PCDHGA2: variants seen among roughly 807,000 people sequenced by gnomAD.
PCDHGA2 encodes the protein protocadherin gamma-A2.
PCDHGA2 carries 40 observed loss-of-function variants against 59.2 expected under a neutral mutation model. The ratio of observed to expected loss-of-function variants is 0.68; its 90% CI spans 0.52 to 0.88. PCDHGA2 has a LOEUF of 0.88. Among genes scored for constraint, PCDHGA2 ranks in the 40% least tolerant of loss-of-function variants. The probability of loss-of-function intolerance (pLI) is 0.00; values close to 1 mark genes in which losing one functional copy is unlikely to be tolerated. For synonymous variants in PCDHGA2, 560 were observed against 526.0 expected, an observed-to-expected ratio of 1.06 and a Z score of -0.89; for missense variants, 1,226 against 1,204.0, an observed-to-expected ratio of 1.02 and a Z score of -0.27.
intron 1 of PCDHGA2, chr5:141,383,589 G>A (rs1199547727): frequency 1.2e-6 from 2 of 1,613,716 alleles, no homozygotes; most frequent in Admixed American, 3.3e-5. Context: ...ACATCCAGGT[G>A]ACAGTGGTGG....
rs369691483 is a variant in PCDHGA2 at position 141,383,272 on chromosome 5, G to A, written c.2424+41877G>A. 65 of 1,613,802 alleles carry A rather than the reference G, an allele frequency of 4.0e-5. No homozygotes were observed. Among genetic ancestry groups the A allele is most frequent in the Non-Finnish European group, 5.3e-5 (62 of 1,179,884 alleles). On this transcript the variant is annotated intron_variant, in intron 1 of 3. Transcript: ENST00000394576. The stretch of plus-strand genomic sequence containing the variant: ...TTACCCTATAGACGTGGAAATAATA[G>A]ATATTAATGACAACGTTCCAAGATT...
chr5:141,385,498 T>C, intron 1 of PCDHGA2: 2 of 1,386,236 alleles, frequency 1.4e-6, no homozygotes, highest in Non-Finnish European at 1.9e-6. Context: ...TAGGATATAG[T>C]ATTTCTTTAG....
intron 1 of PCDHGA2, chr5:141,383,588 T>C: frequency 6.2e-7 from 1 of 1,613,646 alleles, no homozygotes; most frequent in Non-Finnish European, 8.5e-7. Context: ...CACATCCAGG[T>C]GACAGTGGTG....
intron 1 of PCDHGA2, chr5:141,351,167 T>A (rs745490255): frequency 1.2e-6 from 2 of 1,613,946 alleles, no homozygotes; most frequent in Non-Finnish European, 1.7e-6. Flanking sequence ...CAATGGCACA[T>A]TGGATTTTGA....
intron 3 of PCDHGA2, among the ~76,000 whole-genome samples, chr5:141,505,973 G>A (rs1207489923): frequency 6.6e-6 from 1 of 152,166 alleles, no homozygotes; most frequent in Non-Finnish European, 1.5e-5. Context: ...ATCCCCAGCC[G>A]AGAGAACACC....
rs773471969 is a variant in PCDHGA2, at chr5:141,422,101, A to G, written c.2425-72706A>G. 11 of 1,610,046 alleles carry G rather than the reference A, an allele frequency of 6.8e-6. No individual in the cohort carries two copies. The highest frequency in any genetic ancestry group is 4.5e-5 in the East Asian group (2 of 44,870). ...GAACATGGAAAGCAAGGCTTCTGAA[A>G]TATTCCAATTGGATTCACAAACTGG... On this transcript the variant is annotated intron_variant, in intron 1 of 3. Coordinates refer to ENST00000394576, the MANE Select transcript of PCDHGA2 (RefSeq NM_018915.4).
At chr5:141,433,082 T>C in intron 1 of PCDHGA2, 1 of 1,614,188 alleles carries the variant, frequency 6.2e-7, no homozygotes. Flanking sequence ...CCAGCCCAAC[T>C]ATGCAGACAT....
chr5:141,370,057 C>T (rs180898728), intron 1 of PCDHGA2, among the ~76,000 whole-genome samples: 2 of 152,150 alleles, frequency 1.3e-5, no homozygotes, highest in Non-Finnish European at 2.9e-5. Flanking sequence ...TTTAAAAGTC[C>T]TTTTAAAATG....
intron 1 of PCDHGA2, chr5:141,384,549 G>T (rs1561602881): frequency 6.2e-7 from 1 of 1,614,244 alleles, no homozygotes; most frequent in East Asian, 2.2e-5. Flanking sequence ...CACTGAGCCT[G>T]TTCGTGCTGG....
intron 2 of PCDHGA2, among the ~76,000 whole-genome samples, chr5:141,496,753 A>G (rs2099771084): frequency 6.6e-6 from 1 of 152,166 alleles, no homozygotes; most frequent in Admixed American, 6.5e-5. Flanking sequence ...TTCAACAAAT[A>G]TTTATCGAGC....
chr5:141,428,658 T>G (rs932328483), intron 1 of PCDHGA2: 1 of 165,620 alleles, frequency 6.0e-6, no homozygotes, highest in Non-Finnish European at 1.3e-5. Flanking sequence ...TGAGTTCCAA[T>G]GAATGTCTTT....
chr5:141,428,773 T>C (rs1036838681), intron 1 of PCDHGA2: 1 of 154,174 alleles, frequency 6.5e-6, no homozygotes, highest in Admixed American at 6.4e-5. Context: ...CCACTCTTAA[T>C]ATTTCCTGTT....
chr5:141,460,430 G>T (rs1163518139), intron 1 of PCDHGA2, among the ~76,000 whole-genome samples: 2 of 152,110 alleles, frequency 1.3e-5, no homozygotes, highest in African/African-American at 4.8e-5. Flanking sequence ...ATGGTGTATG[G>T]TGTGAGGTAA....
Position 141,476,489 on chromosome 5 carries a change from A to G in PCDHGA2, c.2425-18318A>G. ...GGAGCTGTTCAGCGTGGAAGTGGTGATCCAGGACATCAACGACAACAATCC... is the reference window on the plus strand; with the variant it reads ...GGAGCTGTTCAGCGTGGAAGTGGTGGTCCAGGACATCAACGACAACAATCC... On this transcript the variant is annotated intron_variant, in intron 1 of 3. Coordinates refer to ENST00000394576, the MANE Select transcript of PCDHGA2 (RefSeq NM_018915.4). The surrounding 1 kb of genome is among the most constrained non-coding windows in gnomAD (Gnocchi z 7.6). The G allele has an allele frequency of 6.2e-7, 1 of 1,613,928 alleles. No individual in the cohort carries two copies. Among genetic ancestry groups the G allele is most frequent in the Non-Finnish European group, 8.5e-7 (1 of 1,179,976 alleles).
chr5:141,389,085 A>T (rs2091598298), intron 1 of PCDHGA2: 6 of 1,614,054 alleles, frequency 3.7e-6, no homozygotes, highest in Non-Finnish European at 5.1e-6. Context: ...AAACACGTAT[A>T]AATTAGTGAC....
At chr5:141,366,287 C>A (rs746594585) in intron 1 of PCDHGA2, 1 of 1,613,736 alleles carries the variant, frequency 6.2e-7, no homozygotes, top group African/African-American at 1.3e-5. Context: ...TGGCCAGCCC[C>A]CTCTGTCAGC....
At chr5:141,425,484 TA>T (rs929097245) in intron 1 of PCDHGA2, among the ~76,000 whole-genome samples, 1 of 152,258 alleles carries the variant, frequency 6.6e-6, no homozygotes, top group African/African-American at 2.4e-5. Context: ...TATGGCAACC[TA>T]CTAGGCTATA....
chr5:141,432,635 G>C lies in PCDHGA2; in HGVS notation c.2425-62172G>C, dbSNP rs754354737. On this transcript the variant is annotated intron_variant, in intron 1 of 3. Transcript: ENST00000394576. The surrounding 1 kb of genome is among the most constrained non-coding windows in gnomAD (Gnocchi z 6.0). ...CTCGGTGGGTCTGCACACGGGCGAG[G>C]TGCGCACGGCGCGAGCCCTGCTGGA... The C allele has an allele frequency of 5.6e-6, 9 of 1,612,886 alleles. No individual in the cohort carries two copies. Among genetic ancestry groups the C allele is most frequent in the Non-Finnish European group, 7.6e-6 (9 of 1,179,742 alleles).
At chr5:141,433,847 A>AAAAAAAC (rs1296633381) in intron 1 of PCDHGA2, among the ~76,000 whole-genome samples, 1 of 151,976 alleles carries the variant, frequency 6.6e-6, no homozygotes, top group Non-Finnish European at 1.5e-5. Flanking sequence ...CAAAAAAAAA[A>AAAAAAAC]AAAAAAAACT....
Sources: gnomAD v4.1 joint callset for allele counts (sites outside exome capture counted in the v4.1 genomes callset) on GRCh38, gnomAD v4.1.1 for gene constraint, Gnocchi (gnomAD v3.1) non-coding constraint, MANE v1.5 for transcripts, NCBI Gene and HGNC (gene_info 2026-07-23, HGNC 2026-07-21) for gene names.